Variants in IVD observed in about 807,000 individuals in gnomAD.
IVD encodes isovaleryl-CoA dehydrogenase.
A neutral mutation model predicts 51.3 loss-of-function variants in IVD; 31 were observed. The observed-to-expected ratio is 0.60, with a 90% CI of 0.45 to 0.81. The LOEUF (loss-of-function observed/expected upper bound fraction) is 0.81, where lower values mean the gene tolerates loss of function less well. Ranked by LOEUF, IVD falls within the 40% of genes least tolerant of loss-of-function variation. The pLI is 0.00. For missense variants in IVD, 475 were observed against 552.0 expected, an observed-to-expected ratio of 0.86 and a Z score of 1.40; for synonymous variants, 205 against 219.4, an observed-to-expected ratio of 0.93 and a Z score of 0.58.
chr15:40,411,417 A>G (rs1407134794), intron 5 of IVD, 64 bp downstream of exon 5: 1 of 1,595,750 alleles, frequency 6.3e-7, no homozygotes, highest in Non-Finnish European at 8.6e-7. Context: ...AGGATAATGG[A>G]GCAACAATTG....
At chr15:40,435,880 A>T, downstream of IVD, 5 of 174,426 alleles carry the variant, frequency 2.9e-5, no homozygotes, top group Non-Finnish European at 5.7e-5. Flanking sequence ...TGCCAGGGGC[A>T]GACCCTGGCA....
downstream of IVD, among the ~76,000 whole-genome samples, chr15:40,423,113 A>AT (rs973693632): frequency 1.8e-4 from 27 of 147,310 alleles, no homozygotes; most frequent in Non-Finnish European, 3.7e-4. Context: ...TAATTTTTGT[A>AT]TTTTTTGTAG....
Position 40,415,257 on chromosome 15 carries a change from C to T in IVD, c.879-144C>T, listed in dbSNP as rs875767. On this transcript the variant is annotated intron_variant, in intron 8 of 11. Transcript: ENST00000487418. ...GGCTGTCACGCCCCTGCACCTCTGG[C>T]CAGTCAGTGCCGTAACTGTGGCAAG... 0.13 allele frequency: 101,719 copies of T among 813,032 alleles called. 6,976 individuals carry two copies. The highest frequency in any genetic ancestry group is 0.13 in the Non-Finnish European group (64,966 of 487,584). 50.4% of individuals were successfully genotyped at this position (813,032 alleles called of 1,614,324 possible).
rs763376510 is a variant in IVD at position 40,414,899 on chromosome 15, C to T, written c.795C>T (p.Ile265=). ...FEDCKIPAAN[I]LGHENKGVYV... ...CACTTATCCTGGCAGCTGCCAACAT[C>T]CTGGGCCATGAGAATAAGGGTGTCT... The change falls in exon 8 of 12, where the codon ATC becomes ATT. Residue 265 remains isoleucine, a synonymous_variant. Coordinates refer to ENST00000487418, the MANE Select transcript of IVD (RefSeq NM_002225.5). The T allele has an allele frequency of 1.2e-6, 2 of 1,614,066 alleles. No homozygotes were observed. Among genetic ancestry groups the T allele is most frequent in the Admixed American group, 1.7e-5 (1 of 60,008 alleles).
Position 40,416,111 on chromosome 15 carries a change from C to T in IVD, c.994C>T (p.Arg332Cys), listed in dbSNP as rs1891643589. The T allele has an allele frequency of 9.9e-6, 16 of 1,614,140 alleles. No homozygotes were observed. Among genetic ancestry groups the T allele is most frequent in the Admixed American group, 1.7e-5 (1 of 60,014 alleles). ...MQGKMADMYT[R>C]LMACRQYVYN... Reference sequence around the variant, plus strand: ...GGGGAAGATGGCTGACATGTACACCCGCCTCATGGCGTGTCGGCAGTATGT... The same window carrying T: ...GGGGAAGATGGCTGACATGTACACCTGCCTCATGGCGTGTCGGCAGTATGT... Residue 332 changes from arginine (R) to cysteine (C), a missense_variant, in exon 10 of 12, where the codon CGC (arginine) becomes TGC (cysteine). Physicochemically the swap from Arg to Cys is radical, Grantham distance 180. Coordinates refer to ENST00000487418, the MANE Select transcript of IVD (RefSeq NM_002225.5).
downstream of IVD, among the ~76,000 whole-genome samples, chr15:40,426,894 A>T (rs1343897004): frequency 6.6e-6 from 1 of 152,222 alleles, no homozygotes; most frequent in Non-Finnish European, 1.5e-5. Context: ...CAAGCTACTA[A>T]GACCCATGCA....
At chr15:40,407,768 G>T in intron 2 of IVD, 43 bp downstream of exon 2, 1 of 1,544,328 alleles carries the variant, frequency 6.5e-7, no homozygotes, top group South Asian at 1.1e-5. Flanking sequence ...TCAGGGAGTG[G>T]GGCTGAGCTG....
intron 11 of IVD, among the ~76,000 whole-genome samples, chr15:40,417,502 C>CA (rs61345321): frequency 0.14 from 12,710 of 88,154 alleles, 711 homozygotes; most frequent in Non-Finnish European, 0.19. Flanking sequence ...AGCATGACTC[C>CA]AAAAAAAAAA....
In IVD at chr15:40,420,886, C is replaced by G. The variant is rs368709470; in HGVS notation, c.*2623C>G. 76 of 985,576 alleles carry G rather than the reference C, an allele frequency of 7.7e-5. No individual in the cohort carries two copies. The African/African-American group carries it at 1.2e-3, about 16-fold the overall frequency. 61.1% of individuals were successfully genotyped at this position (985,576 alleles called of 1,614,324 possible). A position where few individuals can be genotyped will look rare whatever the true frequency, so the allele number is the denominator to read the frequency against. On this transcript the variant is annotated 3_prime_UTR_variant, in exon 12 of 12. Coordinates refer to ENST00000487418, the MANE Select transcript of IVD (RefSeq NM_002225.5). ...GGAATGGGTCTGGGTTGTTCCACCC[C>G]TTCCGAGTTCCAAAAAGAGGGAACT... is the stretch of plus-strand genomic sequence containing the variant.
chr15:40,424,649 C>G (rs1892560741), downstream of IVD, among the ~76,000 whole-genome samples: 1 of 152,236 alleles, frequency 6.6e-6, no homozygotes, highest in Admixed American at 6.5e-5. Context: ...TTTACATGAT[C>G]ACCATCCAGC....
rs182124153 is a variant in IVD at position 40,413,281 on chromosome 15, A to G, written c.784+194A>G. ...GCCAGGGCCCTGCAGCGGCATGCCT[A>G]ACTGGCATCACACACTCCGCATAGG... On this transcript the variant is annotated intron_variant, in intron 7 of 11. Coordinates refer to ENST00000487418, the MANE Select transcript of IVD (RefSeq NM_002225.5). 2.1e-4 allele frequency: 136 copies of G among 638,572 alleles called. No individual in the cohort carries two copies. The African/African-American group carries it at 2.2e-3, about 10-fold the overall frequency. The allele number at this position is 638,572 out of a possible 1,614,324, so 39.6% of individuals were successfully genotyped here. A position where few individuals can be genotyped will look rare whatever the true frequency, so the allele number is the denominator to read the frequency against.
Position 40,406,365 on chromosome 15 carries a change from C to T in IVD, c.144+394C>T, listed in dbSNP as rs1047073061. ...AACAGGCTGAGGTATGCTTCTCACA[C>T]CTGGGTGGTCATCGTAATCACCAGG... is the stretch of plus-strand genomic sequence containing the variant. On this transcript the variant is annotated intron_variant, in intron 1 of 11. Coordinates refer to ENST00000487418, the MANE Select transcript of IVD (RefSeq NM_002225.5). 8.4e-6 allele frequency: 11 copies of T among 1,313,990 alleles called. No homozygotes were observed. The Admixed American group carries it at 1.1e-4, about 13-fold the overall frequency. 81.4% of individuals were successfully genotyped at this position (1,313,990 alleles called of 1,614,324 possible).
At chr15:40,411,215 G>T in intron 4 of IVD, 45 bp from the exon 5 acceptor site, 1 of 1,575,198 alleles carries the variant, frequency 6.3e-7, no homozygotes, top group South Asian at 1.1e-5. Flanking sequence ...CTGCTCTAGG[G>T]TACTCTGAGG....
At chr15:40,412,963 C>A (rs1381871297) in intron 6 of IVD, 28 bp from the exon 7 acceptor site, 5 of 1,600,980 alleles carry the variant, frequency 3.1e-6, no homozygotes, top group Non-Finnish European at 4.3e-6. Flanking sequence ...TAATCTGTAA[C>A]CAGGACCACC....
chr15:40,415,363 TGAG>T, intron 8 of IVD, 35 bp from the exon 9 acceptor site: 1 of 1,561,236 alleles, frequency 6.4e-7, no homozygotes. Flanking sequence ...GGTGGTGGGA[TGAG>T]GAGGTGCCCA....
At chr15:40,423,711 C>T (rs1394441075), downstream of IVD, among the ~76,000 whole-genome samples, 5 of 152,224 alleles carry the variant, frequency 3.3e-5, no homozygotes, top group South Asian at 2.1e-4. Flanking sequence ...CTGCCCACCT[C>T]GGCCCCCCAA....
In IVD at chr15:40,415,485, G is replaced by A. The variant is rs772115680; in HGVS notation, c.960+3G>A. On this transcript the variant is annotated splice_donor_region_variant and intron_variant, in intron 9 of 11. Transcript: ENST00000487418. ...GCCAGAAGATCGGCCACTTCCAGGT[G>A]AGCCGAGTGCTTTTGCTGACATGTA... 5.6e-6 allele frequency: 9 copies of A among 1,613,290 alleles called. No individual in the cohort carries two copies. The highest frequency in any genetic ancestry group is 2.7e-5 in the African/African-American group (2 of 74,914).
downstream of IVD, among the ~76,000 whole-genome samples, chr15:40,426,640 T>C (rs1331347613): frequency 2.0e-5 from 3 of 152,188 alleles, no homozygotes; most frequent in Non-Finnish European, 4.4e-5. Flanking sequence ...ATTTATCTGT[T>C]GTAGGCTATG....
chr15:40,418,549 T>C lies in IVD; in HGVS notation c.*286T>C. 1 of 1,232,994 alleles carries C rather than the reference T, an allele frequency of 8.1e-7. No individual in the cohort carries two copies. The highest frequency in any genetic ancestry group is 1.6e-5 in the African/African-American group (1 of 64,212). The allele number at this position is 1,232,994 out of a possible 1,614,324, so 76.4% of individuals were successfully genotyped here. A position where few individuals can be genotyped will look rare whatever the true frequency, so the allele number is the denominator to read the frequency against. ...GGTTTTGGTGACTCTGTGCCCTTGC[T>C]CTCTAACTTCTGAGCCCACCTCCCA... On this transcript the variant is annotated 3_prime_UTR_variant, in exon 12 of 12. Transcript: ENST00000487418.
Sources: gnomAD v4.1 joint callset for allele counts (sites outside exome capture counted in the v4.1 genomes callset) on GRCh38, gnomAD v4.1.1 for gene constraint, MANE v1.5 for transcripts, NCBI Gene and HGNC (gene_info 2026-07-23, HGNC 2026-07-21) for gene names.